CLCA2: variants seen among roughly 807,000 people sequenced by gnomAD.
CLCA2 encodes calcium-activated chloride channel regulator 2.
CLCA2 carries 85 observed loss-of-function variants against 82.9 expected under a neutral mutation model. The observed-to-expected ratio is 1.03, with a 90% CI of 0.86 to 1.23. The LOEUF (loss-of-function observed/expected upper bound fraction) is 1.23. Ranked by LOEUF, CLCA2 falls within the 50% of genes most tolerant of loss-of-function variation. The pLI is 0.00. For synonymous variants in CLCA2, 421 were observed against 391.7 expected (o/e 1.07, Z -0.88); for missense variants, 1,089 against 1,124.8 (o/e 0.97, Z 0.45).
intron 10 of CLCA2, among the ~76,000 whole-genome samples, chr1:86,446,563 A>T (rs1363636261): frequency 6.6e-6 from 1 of 152,226 alleles, no homozygotes; most frequent in African/African-American, 2.4e-5. Context: ...ACAAAAACAA[A>T]AAAACATAGT....
chr1:86,453,900 C>G (rs1420206684), intron 13 of CLCA2, among the ~76,000 whole-genome samples: 1 of 152,106 alleles, frequency 6.6e-6, no homozygotes, highest in East Asian at 1.9e-4. Context: ...GCATGTGCTT[C>G]CCAGTACTGG....
chr1:86,444,353 A>C (rs1266775182), intron 10 of CLCA2, among the ~76,000 whole-genome samples: 2 of 152,200 alleles, frequency 1.3e-5, no homozygotes, highest in Non-Finnish European at 2.9e-5. Context: ...TAGAATTTAT[A>C]ATATGAATAC....
intron 10 of CLCA2, among the ~76,000 whole-genome samples, chr1:86,446,094 G>T: frequency 6.6e-6 from 1 of 151,960 alleles, no homozygotes; most frequent in East Asian, 1.9e-4. Flanking sequence ...TTTCACCAGT[G>T]TCTTCTGCAC....
intron 3 of CLCA2, among the ~76,000 whole-genome samples, chr1:86,430,608 T>G (rs2038668502): frequency 6.6e-6 from 1 of 152,216 alleles, no homozygotes; most frequent in Non-Finnish European, 1.5e-5. Flanking sequence ...TTCAAATAGA[T>G]GTGCAACAAG....
Position 86,430,921 on chromosome 1 carries a change from A to G in CLCA2, c.535A>G (p.Asn179Asp). The G allele has an allele frequency of 6.2e-7, 1 of 1,613,752 alleles. No individual in the cohort carries two copies. Among genetic ancestry groups the G allele is most frequent in the Non-Finnish European group, 8.5e-7 (1 of 1,179,796 alleles). Residue 179 changes from asparagine (N) to aspartate (D), a missense_variant, in exon 4 of 14, where the codon AAT becomes GAT. Physicochemically the swap from Asn to Asp is conservative, Grantham distance 23. Transcript: ENST00000370565. Reference sequence around the variant, plus strand: ...TTGGGGTGTGTTCGATGAGTATAACAATGACAAACCTTTCTACATAAATGG... The same window carrying G: ...TTGGGGTGTGTTCGATGAGTATAACGATGACAAACCTTTCTACATAAATGG... ...LRWGVFDEYNNDKPFYINGQN... is the reference protein window; with the variant it reads ...LRWGVFDEYNDDKPFYINGQN...
intron 3 of CLCA2, among the ~76,000 whole-genome samples, chr1:86,430,023 G>A (rs757858734): frequency 2.0e-5 from 3 of 151,974 alleles, no homozygotes; most frequent in Admixed American, 2.0e-4. Flanking sequence ...CCTTTGCCTC[G>A]AGGTCCAAAA....
intron 1 of CLCA2, among the ~76,000 whole-genome samples, chr1:86,424,942 A>G (rs1662360230): frequency 6.6e-6 from 1 of 152,178 alleles, no homozygotes; most frequent in Non-Finnish European, 1.5e-5. Context: ...TTACTTTAAT[A>G]TGGCAAGGGA....
At chr1:86,454,989 T>C in intron 13 of CLCA2, 96 bp from the exon 14 acceptor site, 1 of 646,130 alleles carries the variant, frequency 1.5e-6, no homozygotes, top group South Asian at 3.0e-5. Context: ...TCTAAATATT[T>C]TGACTTTTTG....
Position 86,428,386 on chromosome 1 carries a change from G to C in CLCA2, c.325-32G>C. On this transcript the variant is annotated intron_variant, in intron 2 of 13. Transcript: ENST00000370565. The stretch of plus-strand genomic sequence containing the variant: ...TTTATGTCACCAACAACAGAGCTGA[G>C]AAAGTATTACAAGGCATTTCTTTTA... 4 of 1,561,446 alleles carry C rather than the reference G, an allele frequency of 2.6e-6. No homozygotes were observed. The South Asian group carries it at 4.9e-5, about 19-fold the overall frequency.
chr1:86,454,593 A>C (rs1052923080), intron 13 of CLCA2, among the ~76,000 whole-genome samples: 12 of 152,176 alleles, frequency 7.9e-5, no homozygotes, highest in Admixed American at 7.9e-4. Context: ...GGAGTTCGAG[A>C]CCAGCCTGGC....
chr1:86,436,720 G>T (rs971674712), intron 6 of CLCA2, among the ~76,000 whole-genome samples: 3 of 148,894 alleles, frequency 2.0e-5, no homozygotes, highest in East Asian at 2.0e-4. Context: ...TGTTGTTTTG[G>T]TTTTTTTTTT....
chr1:86,437,601 G>A (rs566905323), intron 6 of CLCA2, among the ~76,000 whole-genome samples: 1 of 152,310 alleles, frequency 6.6e-6, no homozygotes, highest in African/African-American at 2.4e-5. Context: ...TTGTTCAAGG[G>A]AAGGGCATTC....
chr1:86,432,648 TTCA>T, intron 5 of CLCA2, 120 bp downstream of exon 5: 1 of 1,155,162 alleles, frequency 8.7e-7, no homozygotes, highest in Non-Finnish European at 1.2e-6. Flanking sequence ...GACCCTAGAG[TTCA>T]TCTAGTTTTT....
chr1:86,429,572 G>A (rs1468235133), intron 3 of CLCA2, among the ~76,000 whole-genome samples: 1 of 152,196 alleles, frequency 6.6e-6, no homozygotes, highest in East Asian at 1.9e-4. Flanking sequence ...CTGGAGTTTG[G>A]GAGAGAAGTC....
At chr1:86,434,809 T>C in intron 6 of CLCA2, 64 bp downstream of exon 6, 1 of 1,299,596 alleles carries the variant, frequency 7.7e-7, no homozygotes, top group Non-Finnish European at 1.1e-6. Flanking sequence ...CTTTATTATC[T>C]CAATTTATTT....
intron 10 of CLCA2, among the ~76,000 whole-genome samples, chr1:86,446,542 T>G (rs112054018): frequency 0.016 from 2,392 of 152,270 alleles, 71 homozygotes; most frequent in African/African-American, 0.055. Context: ...ACTAATGTTA[T>G]GATTCAAAAA....
chr1:86,444,749 G>A (rs1018454307), intron 10 of CLCA2, among the ~76,000 whole-genome samples: 1 of 152,174 alleles, frequency 6.6e-6, no homozygotes, highest in Non-Finnish European at 1.5e-5. Flanking sequence ...CAACAGTAAA[G>A]TGAACAGGGG....
intron 10 of CLCA2, among the ~76,000 whole-genome samples, chr1:86,444,602 A>G (rs2101706675): frequency 6.6e-6 from 1 of 152,350 alleles, no homozygotes; most frequent in South Asian, 2.1e-4. Context: ...TCAGATAAAA[A>G]GAACATGGCT....
At chr1:86,424,782 T>G (rs1480526458) in intron 1 of CLCA2, among the ~76,000 whole-genome samples, 1 of 152,198 alleles carries the variant, frequency 6.6e-6, no homozygotes, top group African/African-American at 2.4e-5. Flanking sequence ...TGAATAAGCA[T>G]GATAATGAGC....
Sources: gnomAD v4.1 joint callset for allele counts (sites outside exome capture counted in the v4.1 genomes callset) on GRCh38, gnomAD v4.1.1 for gene constraint, MANE v1.5 for transcripts, NCBI Gene and HGNC (gene_info 2026-07-23, HGNC 2026-07-21) for gene names.